The following FOXN3 variants were observed in gnomAD, a reference collection of about 807,000 sequenced individuals.
The protein encoded by FOXN3 is forkhead box protein N3.
Under a neutral mutation model 38.4 loss-of-function variants are expected in FOXN3, and 7 were observed. The observed-to-expected ratio is 0.18, with a 90% CI of 0.10 to 0.34. FOXN3 has a LOEUF of 0.34. Among genes scored for constraint, FOXN3 ranks in the 10% least tolerant of loss-of-function variants. FOXN3 has a pLI of 1.00. For synonymous variants in FOXN3, 230 were observed against 242.2 expected, an observed-to-expected ratio of 0.95 and a Z score of 0.47; for missense variants, 456 against 613.4, an observed-to-expected ratio of 0.74 and a Z score of 2.71.
At chr14:89,599,873 A>G (rs147473469) in intron 1 of FOXN3, among the ~76,000 whole-genome samples, 11 of 152,186 alleles carry the variant, frequency 7.2e-5, no homozygotes, top group African/African-American at 2.6e-4. Flanking sequence ...CAATTACCAC[A>G]CCCTCAAGCC....
chr14:89,412,620 TG>T lies in FOXN3; in HGVS notation c.-14-131del, dbSNP rs2140097618. 2 of 655,276 alleles carry T rather than the reference TG, an allele frequency of 3.1e-6. No individual in the cohort carries two copies. Among genetic ancestry groups the T allele is most frequent in the Non-Finnish European group, 2.5e-6 (1 of 392,206 alleles). The allele number at this position is 655,276 out of a possible 1,614,324, so 40.6% of individuals were successfully genotyped here. ...CCCCTGCTACACAGGAACACCACCT[TG>T]TGACTCCCACACTAAGCAACACAAT... On this transcript the variant is annotated intron_variant, in intron 1 of 5. Coordinates refer to ENST00000557258, the MANE Select transcript of FOXN3 (RefSeq NM_005197.4). This position sits in a 1 kb window ranked among gnomAD's most constrained non-coding sequence, Gnocchi z 4.7.
At chr14:89,415,810 ATAGT>A (rs140642225) in intron 1 of FOXN3, among the ~76,000 whole-genome samples, 21,782 of 147,560 alleles carry the variant, frequency 0.15, 1,754 homozygotes, top group East Asian at 0.22. Flanking sequence ...AGATACGCAA[ATAGT>A]TATTCACTGG....
chr14:89,502,083 G>A (rs960840637), intron 1 of FOXN3, among the ~76,000 whole-genome samples: 1 of 152,160 alleles, frequency 6.6e-6, no homozygotes, highest in Non-Finnish European at 1.5e-5. Flanking sequence ...CAGGGGAATC[G>A]CTTGAACCCG....
At chr14:89,506,215 G>A (rs1401765949) in intron 1 of FOXN3, among the ~76,000 whole-genome samples, 13 of 59,644 alleles carry the variant, frequency 2.2e-4, no homozygotes, top group South Asian at 6.4e-4. Context: ...CTGCCCGGCC[G>A]CCTCTACTGG....
chr14:89,334,261 C>T (rs201134134), intron 3 of FOXN3, among the ~76,000 whole-genome samples: 19 of 151,146 alleles, frequency 1.3e-4, no homozygotes, highest in East Asian at 3.9e-4. Flanking sequence ...GGGAGTGAGG[C>T]GGGCTGGGGG....
intron 1 of FOXN3, among the ~76,000 whole-genome samples, chr14:89,488,144 A>T (rs1282350971): frequency 6.7e-6 from 1 of 149,560 alleles, no homozygotes; most frequent in Non-Finnish European, 1.5e-5. Flanking sequence ...GTGCAGTGGC[A>T]CAATCTCAGC....
Position 89,163,642 on chromosome 14 carries a change from C to T in FOXN3, c.852-673G>A, listed in dbSNP as rs1321947131. On this transcript the variant is annotated intron_variant, in intron 5 of 5. Coordinates refer to ENST00000557258, the MANE Select transcript of FOXN3 (RefSeq NM_005197.4). The surrounding 1 kb of genome is among the most constrained non-coding windows in gnomAD (Gnocchi z 4.3). ...GGCAAGCCAGGGTCGCATCACAGACCAGAGGGCAATAAACTACGACTTCCC... is the reference window on the plus strand; with the variant it reads ...GGCAAGCCAGGGTCGCATCACAGACTAGAGGGCAATAAACTACGACTTCCC... Among the ~76,000 whole-genome samples the T allele has an allele frequency of 6.6e-6, 1 of 152,182 alleles. No individual in the cohort carries two copies. Among genetic ancestry groups the T allele is most frequent in the Admixed American group, 6.5e-5 (1 of 15,274 alleles).
rs551674255 is a variant in FOXN3 at position 89,206,648 on chromosome 14, T to C, written c.746-25842A>G. On this transcript the variant is annotated intron_variant, in intron 4 of 5. Transcript: ENST00000557258. ...CGGCAACTGGGTTCGTTCCGTACCA[T>C]GAAAACCATATTTCATCTTTCAATA... 8.5e-5 allele frequency among the ~76,000 whole-genome samples: 13 copies of C among 152,234 alleles called. No individual in the cohort carries two copies. The South Asian group carries it at 1.2e-3, about 15-fold the overall frequency.
At chr14:89,534,477 CT>C (rs906593467) in intron 1 of FOXN3, among the ~76,000 whole-genome samples, 89 of 152,246 alleles carry the variant, frequency 5.8e-4, no homozygotes, top group African/African-American at 2.0e-3. Context: ...CCTTTTAGCC[CT>C]TAAAGAAAGG....
chr14:89,398,300 C>T (rs1891152479), intron 2 of FOXN3, among the ~76,000 whole-genome samples: 1 of 152,210 alleles, frequency 6.6e-6, no homozygotes, highest in African/African-American at 2.4e-5. Context: ...GCATAACAGT[C>T]AGCAAGAACT....
At chr14:89,341,442 C>T (rs912686548) in intron 3 of FOXN3, among the ~76,000 whole-genome samples, 4 of 152,186 alleles carry the variant, frequency 2.6e-5, no homozygotes, top group African/African-American at 9.7e-5. Context: ...CCAACCTGAT[C>T]GCTTTCCTTA....
chr14:89,561,851 C>A (rs1009014824), intron 1 of FOXN3, among the ~76,000 whole-genome samples: 1 of 152,186 alleles, frequency 6.6e-6, no homozygotes, highest in Non-Finnish European at 1.5e-5. Context: ...AAATAAACAT[C>A]ACTAATTTTG....
chr14:89,529,257 G>T (rs998166871), intron 1 of FOXN3, among the ~76,000 whole-genome samples: 1 of 151,998 alleles, frequency 6.6e-6, no homozygotes, highest in African/African-American at 2.4e-5. Context: ...TTAATTACTA[G>T]TTAAAATGCA....
At chr14:89,356,745 T>G (rs190806400) in intron 2 of FOXN3, among the ~76,000 whole-genome samples, 2 of 152,242 alleles carry the variant, frequency 1.3e-5, no homozygotes, top group Admixed American at 6.5e-5. Flanking sequence ...CCAGGCACCA[T>G]GAAGGGTCCA....
chr14:89,229,508 C>T (rs932796712), intron 4 of FOXN3, among the ~76,000 whole-genome samples: 5 of 152,206 alleles, frequency 3.3e-5, no homozygotes, highest in African/African-American at 9.6e-5. Context: ...GATCCATCTT[C>T]ACCCAAGTAC....
intron 3 of FOXN3, among the ~76,000 whole-genome samples, chr14:89,304,208 T>C (rs1476237736): frequency 6.6e-6 from 1 of 152,212 alleles, no homozygotes; most frequent in African/African-American, 2.4e-5. Flanking sequence ...GATGCTGAAG[T>C]AGTTCAGCTC....
At chr14:89,536,557 G>A (rs563415931) in intron 1 of FOXN3, among the ~76,000 whole-genome samples, 4 of 152,210 alleles carry the variant, frequency 2.6e-5, no homozygotes, top group Admixed American at 1.3e-4. Context: ...CGAGGCGGGC[G>A]GATCACGAGG....
At chr14:89,313,426 C>T (rs1439383761) in intron 3 of FOXN3, among the ~76,000 whole-genome samples, 3 of 152,056 alleles carry the variant, frequency 2.0e-5, no homozygotes, top group Non-Finnish European at 1.5e-5. Context: ...GGCGTGGTGG[C>T]GCATGCCCGT....
intron 2 of FOXN3, among the ~76,000 whole-genome samples, chr14:89,390,095 A>C (rs1890897048): frequency 1.3e-5 from 2 of 151,576 alleles, no homozygotes; most frequent in African/African-American, 4.8e-5. Context: ...GCATAGTGAC[A>C]CAAGCCTGTA....
Sources: allele counts gnomAD v4.1 joint callset (sites outside exome capture counted in the v4.1 genomes callset), GRCh38; gene constraint gnomAD v4.1.1; non-coding constraint Gnocchi (gnomAD v3.1); transcripts MANE v1.5; gene names NCBI Gene and HGNC (gene_info 2026-07-23, HGNC 2026-07-21).